RFTN1: variants seen among roughly 807,000 people sequenced by gnomAD.
The protein encoded by RFTN1 is raftlin, lipid raft linker 1.
A neutral mutation model predicts 46.5 loss-of-function variants in RFTN1; 26 were observed. The observed-to-expected ratio is 0.56, with a 90% CI of 0.41 to 0.78. The LOEUF (loss-of-function observed/expected upper bound fraction) is 0.78, where lower values mean the gene tolerates loss of function less well. RFTN1 is among the 30% of genes least tolerant of loss of function. The pLI, the probability that RFTN1 is intolerant of heterozygous loss-of-function variation, is 0.00. For missense variants in RFTN1, 693 were observed against 718.7 expected (o/e 0.96, Z 0.41); for synonymous variants, 261 against 284.2 (o/e 0.92, Z 0.82).
Position 16,460,361 on chromosome 3 carries a change from A to G in RFTN1, c.146-26324T>C, listed in dbSNP as rs564860432. Among the ~76,000 whole-genome samples the G allele has an allele frequency of 4.7e-4, 72 of 152,336 alleles. 1 individual carries two copies. Among genetic ancestry groups the G allele is most frequent in the Non-Finnish European group, 1.8e-4 (12 of 68,038 alleles). On this transcript the variant is annotated intron_variant, in intron 2 of 9. Transcript: ENST00000334133. The surrounding 1 kb of genome is among the most constrained non-coding windows in gnomAD (Gnocchi z 4.8). ...TTCTTTTTTTCTGCTGCCAAAGCCC[A>G]ATAGGCTTATAAATAAATACACAGC...
intron 2 of RFTN1, among the ~76,000 whole-genome samples, chr3:16,464,771 T>C (rs2076062366): frequency 6.6e-6 from 1 of 152,238 alleles, no homozygotes; most frequent in South Asian, 2.1e-4. Context: ...ACAAAAGCTG[T>C]TGCAGATTTA....
At chr3:16,511,545 TG>T (rs1468748198) in intron 1 of RFTN1, among the ~76,000 whole-genome samples, 3 of 152,074 alleles carry the variant, frequency 2.0e-5, no homozygotes. Flanking sequence ...TCTTAAAAAA[TG>T]GGATGGGGAT....
rs967373329 is a variant in RFTN1, at chr3:16,468,937, G to A, written c.145+24788C>T. ...GCAGCCATTTCTTCACTGCCAAAAGGCCAATCCATTCCCCCCATCACTCAG... is the reference window on the plus strand; with the variant it reads ...GCAGCCATTTCTTCACTGCCAAAAGACCAATCCATTCCCCCCATCACTCAG... On this transcript the variant is annotated intron_variant, in intron 2 of 9. Coordinates refer to ENST00000334133, the MANE Select transcript of RFTN1 (RefSeq NM_015150.2). This position sits in a 1 kb window ranked among gnomAD's most constrained non-coding sequence, Gnocchi z 4.4. 7.2e-5 allele frequency among the ~76,000 whole-genome samples: 11 copies of A among 152,228 alleles called. No homozygotes were observed. Among genetic ancestry groups the A allele is most frequent in the African/African-American group, 2.4e-4 (10 of 41,458 alleles).
Position 16,409,294 on chromosome 3 carries a change from T to G in RFTN1, c.441+81A>C. 4 of 941,670 alleles carry G rather than the reference T, an allele frequency of 4.2e-6. No homozygotes were observed. The South Asian group carries it at 5.4e-5, about 13-fold the overall frequency. 58.3% of individuals were successfully genotyped at this position (941,670 alleles called of 1,614,324 possible). ...CATGGCCTCTTGAGTGTGGCTGATC[T>G]GTCCTAAGGCAGCTACCTGCCTGTT... On this transcript the variant is annotated intron_variant, in intron 4 of 9. Coordinates refer to ENST00000334133, the MANE Select transcript of RFTN1 (RefSeq NM_015150.2).
intron 2 of RFTN1, among the ~76,000 whole-genome samples, chr3:16,461,763 TGTGTGTCCACAAGTAATTTTTCCTTCCA>T (rs1342466570): frequency 6.6e-6 from 1 of 152,250 alleles, no homozygotes; most frequent in Non-Finnish European, 1.5e-5. Flanking sequence ...AGATTTGGCC[TGTGTGTCCACAAGTAATTTTTCCTTCCA>T]GTACACACAC....
At chr3:16,455,738 G>C (rs1297274256) in intron 2 of RFTN1, among the ~76,000 whole-genome samples, 1 of 152,140 alleles carries the variant, frequency 6.6e-6, no homozygotes, top group East Asian at 1.9e-4. Flanking sequence ...CCAACTAGTA[G>C]AGTCAAAATA....
Position 16,316,408 on chromosome 3 carries a change from A to G in RFTN1, c.*420T>C. On this transcript the variant is annotated 3_prime_UTR_variant, in exon 10 of 10. Coordinates refer to ENST00000334133, the MANE Select transcript of RFTN1 (RefSeq NM_015150.2). The surrounding 1 kb of genome is among the most constrained non-coding windows in gnomAD (Gnocchi z 4.5). ...GTCACCAAGTAGCTGCAGGGGATGG[A>G]CACTGCCCCACACGATGTGGGATGA... 4.5e-6 allele frequency: 1 copy of G among 224,426 alleles called. No homozygotes were observed. The highest frequency in any genetic ancestry group is 6.1e-5 in the South Asian group (1 of 16,278). 13.9% of individuals were successfully genotyped at this position (224,426 alleles called of 1,614,324 possible). A position where few individuals can be genotyped will look rare whatever the true frequency, so the allele number is the denominator to read the frequency against.
In RFTN1 at chr3:16,441,717, G is replaced by A. The variant is rs538329935; in HGVS notation, c.146-7680C>T. 5.3e-5 allele frequency among the ~76,000 whole-genome samples: 8 copies of A among 152,270 alleles called. No homozygotes were observed. The East Asian group carries it at 9.6e-4, about 18-fold the overall frequency. On this transcript the variant is annotated intron_variant, in intron 2 of 9. Transcript: ENST00000334133. ...TGACTTTGGTCTTCTAATTACATCC[G>A]CTAATGGATCTGTCAATACGAAGGA...
At position 16,348,262 on chromosome 3, in the gene RFTN1, G is replaced by A. The variant is rs2071867313; in HGVS notation, c.1146+9670C>T. Among the ~76,000 whole-genome samples the A allele has an allele frequency of 6.6e-6, 1 of 152,022 alleles. No homozygotes were observed. The highest frequency in any genetic ancestry group is 6.5e-5 in the Admixed American group (1 of 15,270). On this transcript the variant is annotated intron_variant, in intron 7 of 9. Coordinates refer to ENST00000334133, the MANE Select transcript of RFTN1 (RefSeq NM_015150.2). The surrounding 1 kb of genome is among the most constrained non-coding windows in gnomAD (Gnocchi z 6.3). ...AGGAAGCCGAGGCATCTAGATCACT[G>A]ACATTATCCATAATCAGAGGCGTCT...
At chr3:16,510,356 G>A (rs2125017228) in intron 1 of RFTN1, among the ~76,000 whole-genome samples, 1 of 152,144 alleles carries the variant, frequency 6.6e-6, no homozygotes, top group South Asian at 2.1e-4. Flanking sequence ...TGGGGCTTGG[G>A]GTTATTTTTC....
chr3:16,495,984 A>G (rs915406302), intron 1 of RFTN1, among the ~76,000 whole-genome samples: 2 of 152,262 alleles, frequency 1.3e-5, no homozygotes, highest in Admixed American at 6.5e-5. Context: ...AAGATTTCTT[A>G]AAGAGGACAC....
At chr3:16,412,922 A>G (rs2075004374) in intron 3 of RFTN1, among the ~76,000 whole-genome samples, 1 of 152,214 alleles carries the variant, frequency 6.6e-6, no homozygotes, top group South Asian at 2.1e-4. Context: ...GGAGGCTGGA[A>G]GTGGGGCTTT....
Position 16,509,207 on chromosome 3 carries a change from C to CAA in RFTN1, c.-9+4233_-9+4234dup, listed in dbSNP as rs200436660. ...CAAAATGAAAACAAACAAACAACAACAAAAAAAAACTAAAGAAAATGATTG... is the reference window on the plus strand; with the variant it reads ...CAAAATGAAAACAAACAAACAACAACAAAAAAAAAAACTAAAGAAAATGATTG... On this transcript the variant is annotated intron_variant, in intron 1 of 9. Transcript: ENST00000334133. The surrounding 1 kb of genome is among the most constrained non-coding windows in gnomAD (Gnocchi z 4.9). Among the ~76,000 whole-genome samples, 4 of 150,874 alleles carry CAA rather than the reference C, an allele frequency of 2.7e-5. No individual in the cohort carries two copies. The highest frequency in any genetic ancestry group is 9.7e-5 in the African/African-American group (4 of 41,096).
Position 16,351,089 on chromosome 3 carries a change from A to G in RFTN1, c.1146+6843T>C, listed in dbSNP as rs1417971511. Among the ~76,000 whole-genome samples, 1 of 152,230 alleles carries G rather than the reference A, an allele frequency of 6.6e-6. No homozygotes were observed. Among genetic ancestry groups the G allele is most frequent in the Non-Finnish European group, 1.5e-5 (1 of 68,044 alleles). ...CACAGGATTCACAGGATTATGAGAC[A>G]GGGTTACAGGCCAGAGTAGGTTTCA... On this transcript the variant is annotated intron_variant, in intron 7 of 9. Coordinates refer to ENST00000334133, the MANE Select transcript of RFTN1 (RefSeq NM_015150.2). The surrounding 1 kb of genome is among the most constrained non-coding windows in gnomAD (Gnocchi z 5.4).
chr3:16,409,451 T>C lies in RFTN1; in HGVS notation c.365A>G (p.Tyr122Cys). The C allele has an allele frequency of 1.2e-6, 2 of 1,613,340 alleles. No homozygotes were observed. Among genetic ancestry groups the C allele is most frequent in the Non-Finnish European group, 1.7e-6 (2 of 1,179,298 alleles). Residue 122 changes from tyrosine to cysteine, a missense_variant, in exon 4 of 10, where the codon TAC (tyrosine) becomes TGC (cysteine). By Grantham distance (194) the Tyr-to-Cys change is radical. Coordinates refer to ENST00000334133, the MANE Select transcript of RFTN1 (RefSeq NM_015150.2). The part of the protein sequence containing the change: ...SQKTDLHNEG[Y>C]ILELDCCSSL... ...GGAACAGCAATCTAATTCCAAGATG[T>C]AGCCTTCATTGTGAAGATCAGTTTT... is the stretch of plus-strand genomic sequence containing the variant.
rs2071585474 is a variant in RFTN1 at position 16,345,382 on chromosome 3, C to T, written c.1146+12550G>A. The T allele has an allele frequency of 6.6e-6, 1 of 151,980 alleles. No homozygotes were observed. The highest frequency in any genetic ancestry group is 2.1e-4 in the South Asian group (1 of 4,826). 9.4% of individuals were successfully genotyped at this position (151,980 alleles called of 1,614,324 possible). The stretch of plus-strand genomic sequence containing the variant: ...CCTAAAGATATAGCCCCTGTTATCA[C>T]ATTGAGCCCTTAACTTGCCACAGGA... On this transcript the variant is annotated intron_variant, in intron 7 of 9. Transcript: ENST00000334133. This position sits in a 1 kb window ranked among gnomAD's most constrained non-coding sequence, Gnocchi z 5.2.
At chr3:16,406,434 A>C (rs2074857916) in intron 4 of RFTN1, among the ~76,000 whole-genome samples, 1 of 152,182 alleles carries the variant, frequency 6.6e-6, no homozygotes, top group Non-Finnish European at 1.5e-5. Flanking sequence ...GGCTCCTCCA[A>C]GGCAGGAATG....
chr3:16,493,723 A>G lies in RFTN1; in HGVS notation c.145+2T>C. 6.2e-7 allele frequency: 1 copy of G among 1,600,526 alleles called. No homozygotes were observed. Among genetic ancestry groups the G allele is most frequent in the African/African-American group, 1.4e-5 (1 of 69,636 alleles). On this transcript the variant is annotated splice_donor_variant, in intron 2 of 9. Transcript: ENST00000334133. LOFTEE classifies it high-confidence loss of function. ...CCATCCATTCCCACCCCATGTACTCACCAGCACTCAGAGTCGTGAACTCCA... is the reference window on the plus strand; with the variant it reads ...CCATCCATTCCCACCCCATGTACTCGCCAGCACTCAGAGTCGTGAACTCCA...
In RFTN1 at chr3:16,426,228, A is replaced by G. The variant is rs554820028; in HGVS notation, c.332+7623T>C. On this transcript the variant is annotated intron_variant, in intron 3 of 9. Transcript: ENST00000334133. The surrounding 1 kb of genome is among the most constrained non-coding windows in gnomAD (Gnocchi z 5.9). ...CTGATCCTCGGCCTCGCGTGTGAAC[A>G]TTTTCTAGGGCACACCCCAGTAGGC... 6.6e-6 allele frequency among the ~76,000 whole-genome samples: 1 copy of G among 152,072 alleles called. No individual in the cohort carries two copies. The highest frequency in any genetic ancestry group is 2.1e-4 in the South Asian group (1 of 4,818).
Sources: allele counts gnomAD v4.1 joint callset (sites outside exome capture counted in the v4.1 genomes callset), GRCh38; gene constraint gnomAD v4.1.1; non-coding constraint Gnocchi (gnomAD v3.1); transcripts MANE v1.5; gene names NCBI Gene and HGNC (gene_info 2026-07-23, HGNC 2026-07-21).